Variants in PEX14 observed in about 807,000 individuals in gnomAD.
PEX14 encodes the protein peroxisomal biogenesis factor 14.
Under a neutral mutation model 49.5 loss-of-function variants are expected in PEX14, and 15 were observed. The ratio of observed to expected loss-of-function variants is 0.30; its 90% confidence interval spans 0.20 to 0.47. The LOEUF (loss-of-function observed/expected upper bound fraction) is 0.47, where lower values mean the gene tolerates loss of function less well. Ranked by LOEUF, PEX14 falls within the 20% of genes least tolerant of loss-of-function variation. The pLI is 1.00. For synonymous variants in PEX14, 210 were observed against 212.7 expected, an observed-to-expected ratio of 0.99 and a Z score of 0.11; for missense variants, 398 against 494.8, an observed-to-expected ratio of 0.80 and a Z score of 1.86.
intron 3 of PEX14, among the ~76,000 whole-genome samples, chr1:10,566,652 C>G (rs899688885): frequency 1.1e-4 from 17 of 152,014 alleles, no homozygotes; most frequent in African/African-American, 3.6e-4. Flanking sequence ...TCATGCCTGG[C>G]TAATTTTTTT....
rs1015820977 is a variant in PEX14, at chr1:10,597,632, C to G, written c.170-1606C>G. 1.3e-5 allele frequency among the ~76,000 whole-genome samples: 2 copies of G among 152,188 alleles called. No individual in the cohort carries two copies. The highest frequency in any genetic ancestry group is 1.3e-4 in the Admixed American group (2 of 15,280). On this transcript the variant is annotated intron_variant, in intron 3 of 8. Transcript: ENST00000356607. The surrounding 1 kb of genome is among the most constrained non-coding windows in gnomAD (Gnocchi z 5.7). ...CTGTGAACCCTGGAAGCATTTTCATCCAGCCCACCAATCTGTTGAGAGCAT... is the reference window on the plus strand; with the variant it reads ...CTGTGAACCCTGGAAGCATTTTCATGCAGCCCACCAATCTGTTGAGAGCAT...
At chr1:10,573,451 A>G (rs1640037815) in intron 3 of PEX14, among the ~76,000 whole-genome samples, 1 of 152,222 alleles carries the variant, frequency 6.6e-6, no homozygotes, top group Non-Finnish European at 1.5e-5. Context: ...TCAAATATTT[A>G]CTTTATTAAG....
intron 2 of PEX14, among the ~76,000 whole-genome samples, chr1:10,521,804 A>C (rs1198906752): frequency 6.6e-6 from 1 of 152,158 alleles, no homozygotes; most frequent in Non-Finnish European, 1.5e-5. Flanking sequence ...TAACCTTCTG[A>C]AGTTTCATTT....
chr1:10,614,959 C>T (rs553701322), intron 4 of PEX14, among the ~76,000 whole-genome samples: 8 of 152,260 alleles, frequency 5.3e-5, no homozygotes, highest in Admixed American at 6.5e-5. Context: ...TCCAAGTGCC[C>T]GGCTCCTTGG....
chr1:10,605,530 T>A (rs1463767513), intron 4 of PEX14, among the ~76,000 whole-genome samples: 4 of 152,136 alleles, frequency 2.6e-5, no homozygotes, highest in African/African-American at 7.2e-5. Flanking sequence ...AGCCATAAGG[T>A]AGACCCAAGG....
At position 10,630,429 on chromosome 1, in the gene PEX14, C is replaced by T. The variant is rs532379730; in HGVS notation, c.*442C>T. 5 of 185,384 alleles carry T rather than the reference C, an allele frequency of 2.7e-5. No individual in the cohort carries two copies. The East Asian group carries it at 4.6e-4, about 17-fold the overall frequency. The allele number at this position is 185,384 out of a possible 1,614,324, so 11.5% of individuals were successfully genotyped here. ...GGAGCTGCGGTCCCTCTGGTGTCTG[C>T]CATCCCCCTCCCTCCCTGGGCCCGG... On this transcript the variant is annotated 3_prime_UTR_variant, in exon 9 of 9. Transcript: ENST00000356607. The surrounding 1 kb of genome is among the most constrained non-coding windows in gnomAD (Gnocchi z 4.1).
chr1:10,536,664 G>A, intron 3 of PEX14: 1 of 268,294 alleles, frequency 3.7e-6, no homozygotes, highest in Non-Finnish European at 7.4e-6. Context: ...GAGTTCAGCT[G>A]CTTCAATAGA....
intron 4 of PEX14, among the ~76,000 whole-genome samples, chr1:10,614,867 C>G (rs1477165287): frequency 6.6e-6 from 1 of 152,162 alleles, no homozygotes; most frequent in African/African-American, 2.4e-5. Context: ...AATGGACTTG[C>G]ACTAGATGTC....
At chr1:10,577,549 TATATATATATATA>T (rs1348001685) in intron 3 of PEX14, among the ~76,000 whole-genome samples, 486 of 8,426 alleles carry the variant, frequency 0.058, 17 homozygotes, top group East Asian at 0.16. Context: ...TATATATATA[TATATATATATATA>T]TTTTTTTTTT....
chr1:10,479,917 AG>A (rs2124368194), intron 1 of PEX14, among the ~76,000 whole-genome samples: 1 of 152,308 alleles, frequency 6.6e-6, no homozygotes, highest in South Asian at 2.1e-4. Flanking sequence ...GGATTGCTTG[AG>A]CCCAGGAGTT....
chr1:10,479,844 C>T (rs1641254150), intron 1 of PEX14, among the ~76,000 whole-genome samples: 2 of 152,002 alleles, frequency 1.3e-5, no homozygotes, highest in South Asian at 4.2e-4. Flanking sequence ...TAATAGTTAC[C>T]CTTAAAGCTG....
chr1:10,573,178 A>G (rs151210539), intron 3 of PEX14, among the ~76,000 whole-genome samples: 37 of 152,372 alleles, frequency 2.4e-4, no homozygotes, highest in Non-Finnish European at 5.1e-4. Flanking sequence ...TAACTGAAAT[A>G]TCATGTGGCG....
intron 4 of PEX14, among the ~76,000 whole-genome samples, chr1:10,601,552 G>A (rs895547449): frequency 3.9e-5 from 6 of 152,220 alleles, no homozygotes; most frequent in African/African-American, 1.4e-4. Flanking sequence ...GTCCACAGAA[G>A]GCTGAATGGG....
chr1:10,608,121 C>T (rs1256428376), intron 4 of PEX14, among the ~76,000 whole-genome samples: 1 of 152,152 alleles, frequency 6.6e-6, no homozygotes, highest in African/African-American at 2.4e-5. Context: ...GTGTGTGCCA[C>T]CACACCTGGC....
At chr1:10,620,291 CAATAAAATAAAATAA>C (rs59926174) in intron 5 of PEX14, among the ~76,000 whole-genome samples, 111 of 142,386 alleles carry the variant, frequency 7.8e-4, no homozygotes, top group East Asian at 3.9e-3. Flanking sequence ...CTCTACCAAA[CAATAAAATAAAATAA>C]AATAAAATAA....
chr1:10,525,180 G>C (rs1638434860), intron 2 of PEX14, among the ~76,000 whole-genome samples: 2 of 152,172 alleles, frequency 1.3e-5, no homozygotes, highest in South Asian at 4.1e-4. Context: ...TATCAGAGAA[G>C]GCAACTGGAC....
chr1:10,563,531 C>T (rs949844137), intron 3 of PEX14, among the ~76,000 whole-genome samples: 7 of 151,998 alleles, frequency 4.6e-5, no homozygotes, highest in Admixed American at 2.0e-4. Context: ...AGGCGGAGGC[C>T]GGAGAATCCC....
intron 3 of PEX14, among the ~76,000 whole-genome samples, chr1:10,546,868 C>CA (rs1189860093): frequency 8.1e-4 from 120 of 148,888 alleles, no homozygotes; most frequent in South Asian, 4.1e-3. Flanking sequence ...GACTCCATCT[C>CA]AAAAAAAAAC....
chr1:10,618,903 C>T (rs950609445), intron 5 of PEX14, among the ~76,000 whole-genome samples: 5 of 152,204 alleles, frequency 3.3e-5, no homozygotes, highest in Non-Finnish European at 4.4e-5. Flanking sequence ...TCGTGAAGTC[C>T]GGAAGAGTCA....
Sources: gnomAD v4.1 joint callset for allele counts (sites outside exome capture counted in the v4.1 genomes callset) on GRCh38, gnomAD v4.1.1 for gene constraint, Gnocchi (gnomAD v3.1) non-coding constraint, MANE v1.5 for transcripts, NCBI Gene and HGNC (gene_info 2026-07-23, HGNC 2026-07-21) for gene names.